Variants in BICDL1 observed in about 807,000 individuals in gnomAD.
The protein encoded by BICDL1 is BICD family-like cargo adapter 1.
In BICDL1, 20 loss-of-function variants were observed where a neutral mutation model predicts 76.8. That is an observed-to-expected ratio of 0.26 (90% confidence interval 0.18 to 0.38). The LOEUF is 0.38. BICDL1 is among the 10% of genes least tolerant of loss of function. BICDL1 has a pLI of 1.00. For synonymous variants in BICDL1, 383 were observed against 337.1 expected, an observed-to-expected ratio of 1.14 and a Z score of -1.49; for missense variants, 700 against 798.6, an observed-to-expected ratio of 0.88 and a Z score of 1.49.
At position 119,989,568 on chromosome 12, in the gene BICDL1, C is replaced by G. The variant is rs1398800057; in HGVS notation, c.-301C>G. 6.6e-6 allele frequency among the ~76,000 whole-genome samples: 1 copy of G among 150,474 alleles called. No homozygotes were observed. The highest frequency in any genetic ancestry group is 2.4e-5 in the African/African-American group (1 of 41,220). ...GCTTCGCCGACCCTCAGTCTCTGTT[C>G]CTGAGTCCTCCCTTCCCCAGCCTTC... On this transcript the variant is annotated 5_prime_UTR_variant, in exon 1 of 10. Transcript: ENST00000548673.
At chr12:120,026,046 C>T (rs919097930) in intron 2 of BICDL1, among the ~76,000 whole-genome samples, 1 of 152,096 alleles carries the variant, frequency 6.6e-6, no homozygotes, top group Non-Finnish European at 1.5e-5. Context: ...CCATGTTGGC[C>T]AGGCTGGTCT....
Position 120,093,422 on chromosome 12 carries a change from G to T in BICDL1, c.*261G>T. 1 of 498,242 alleles carries T rather than the reference G, an allele frequency of 2.0e-6. No individual in the cohort carries two copies. The highest frequency in any genetic ancestry group is 3.6e-6 in the Non-Finnish European group (1 of 275,408). The allele number at this position is 498,242 out of a possible 1,614,324, so 30.9% of individuals were successfully genotyped here. On this transcript the variant is annotated 3_prime_UTR_variant, in exon 10 of 10. Transcript: ENST00000548673. ...TGGGCTTCTCCAGGACCACGTGCTT[G>T]AGCAGGGTTAGGCCACCTCCCAGAG...
chr12:120,029,839 G>C (rs1179524785), intron 2 of BICDL1, among the ~76,000 whole-genome samples: 2 of 152,096 alleles, frequency 1.3e-5, no homozygotes, highest in Non-Finnish European at 2.9e-5. Context: ...GTACAATGGG[G>C]TTTCGCCACA....
At chr12:120,058,372 A>G (rs1594179690) in intron 2 of BICDL1, among the ~76,000 whole-genome samples, 1 of 152,306 alleles carries the variant, frequency 6.6e-6, no homozygotes, top group Middle Eastern at 3.4e-3. Context: ...CAGCTGGACT[A>G]GATTTGCAGC....
At chr12:120,019,897 G>A (rs180845989) in intron 2 of BICDL1, among the ~76,000 whole-genome samples, 4 of 152,362 alleles carry the variant, frequency 2.6e-5, no homozygotes, top group Middle Eastern at 3.4e-3. Context: ...CAAGTATGAT[G>A]TAAGCAAGGG....
chr12:120,001,006 A>C (rs1454544411), intron 2 of BICDL1, among the ~76,000 whole-genome samples: 1 of 152,178 alleles, frequency 6.6e-6, no homozygotes, highest in Non-Finnish European at 1.5e-5. Flanking sequence ...GAACGTAGGA[A>C]GATAACATTT....
intron 1 of BICDL1, among the ~76,000 whole-genome samples, chr12:119,998,253 C>T (rs867997381): frequency 2.0e-5 from 3 of 152,208 alleles, no homozygotes; most frequent in Non-Finnish European, 4.4e-5. Context: ...ACTCCCTAGT[C>T]TAGAACCTCA....
chr12:120,004,133 G>A (rs1022678730), intron 2 of BICDL1, among the ~76,000 whole-genome samples: 2 of 152,168 alleles, frequency 1.3e-5, no homozygotes, highest in Non-Finnish European at 2.9e-5. Context: ...TTCTTCAAGA[G>A]TAAAACTCGA....
At chr12:120,025,340 G>A (rs572457633) in intron 2 of BICDL1, among the ~76,000 whole-genome samples, 6 of 152,188 alleles carry the variant, frequency 3.9e-5, no homozygotes, top group Middle Eastern at 3.4e-3. Context: ...GTGAACCACC[G>A]CGCCCGGCCG....
rs1228728561 is a variant in BICDL1, at chr12:120,071,129, A to G, written c.910-493A>G. 6.6e-6 allele frequency among the ~76,000 whole-genome samples: 1 copy of G among 151,294 alleles called. No individual in the cohort carries two copies. The highest frequency in any genetic ancestry group is 1.5e-5 in the Non-Finnish European group (1 of 67,890). On this transcript the variant is annotated intron_variant, in intron 4 of 9. Transcript: ENST00000548673. The surrounding 1 kb of genome is among the most constrained non-coding windows in gnomAD (Gnocchi z 4.8). The stretch of plus-strand genomic sequence containing the variant: ...TTAAGGAAATGGAGTTGTTTGTCCT[A>G]TAGAATTTTCTTTTTTCTTTTTTTC...
At chr12:119,990,405 C>T in intron 1 of BICDL1, 108 bp downstream of exon 1, 1 of 1,496,648 alleles carries the variant, frequency 6.7e-7, no homozygotes, top group Non-Finnish European at 8.9e-7. Context: ...CTCACCCTAC[C>T]TCGCAGAAAA....
At chr12:120,062,116 T>C (rs1953118150) in intron 3 of BICDL1, among the ~76,000 whole-genome samples, 1 of 152,190 alleles carries the variant, frequency 6.6e-6, no homozygotes, top group Non-Finnish European at 1.5e-5. Context: ...GGAAAGGGCA[T>C]CTCGCCTTTC....
At chr12:120,023,002 G>A (rs1259864908) in intron 2 of BICDL1, among the ~76,000 whole-genome samples, 1 of 152,224 alleles carries the variant, frequency 6.6e-6, no homozygotes, top group Non-Finnish European at 1.5e-5. Flanking sequence ...CAGGACTGGG[G>A]ATTTGATGGA....
chr12:120,005,926 G>T (rs1951842495), intron 2 of BICDL1, among the ~76,000 whole-genome samples: 1 of 152,134 alleles, frequency 6.6e-6, no homozygotes, highest in Non-Finnish European at 1.5e-5. Flanking sequence ...TAGGTTAGAT[G>T]CCTACAAACA....
chr12:120,082,384 C>T (rs1184984664), intron 8 of BICDL1, among the ~76,000 whole-genome samples: 1 of 151,808 alleles, frequency 6.6e-6, no homozygotes, highest in East Asian at 1.9e-4. Context: ...TCCCGAGTAG[C>T]TGGGACCTCA....
intron 1 of BICDL1, 99 bp from the exon 2 acceptor site, chr12:119,998,422 T>A (rs1213519968): frequency 3.0e-6 from 3 of 1,000,664 alleles, no homozygotes; most frequent in Non-Finnish European, 4.3e-6. Context: ...TTATTGTGTC[T>A]ACTGACTAGG....
chr12:119,990,138 G>A lies in BICDL1; in HGVS notation c.270G>A (p.Gln90=). The change falls in exon 1 of 10, where the codon CAG becomes CAA. Residue 90 remains glutamine (Q), a synonymous_variant. Coordinates refer to ENST00000548673, the MANE Select transcript of BICDL1 (RefSeq NM_001367886.1). ...PGSLAEGAGP[Q]PPPSQDPELL... is the part of the protein sequence containing the mutation. ...CTCTGGCCGAGGGGGCCGGACCGCA[G>A]CCGCCGCCCTCCCAGGACCCCGAGC... is the stretch of plus-strand genomic sequence containing the variant. 6.5e-7 allele frequency: 1 copy of A among 1,550,352 alleles called. No homozygotes were observed. The highest frequency in any genetic ancestry group is 8.7e-7 in the Non-Finnish European group (1 of 1,147,162).
At chr12:119,998,282 A>T (rs895072265) in intron 1 of BICDL1, among the ~76,000 whole-genome samples, 2 of 152,310 alleles carry the variant, frequency 1.3e-5, no homozygotes, top group East Asian at 3.9e-4. Context: ...GATAAGAATA[A>T]ACATAATAAC....
intron 2 of BICDL1, among the ~76,000 whole-genome samples, chr12:120,002,757 T>TATAA (rs952337860): frequency 2.0e-5 from 3 of 152,186 alleles, no homozygotes; most frequent in Non-Finnish European, 4.4e-5. Flanking sequence ...GGAGAAGATG[T>TATAA]ATAAATAAAT....
Sources: allele counts gnomAD v4.1 joint callset (sites outside exome capture counted in the v4.1 genomes callset), GRCh38; gene constraint gnomAD v4.1.1; non-coding constraint Gnocchi (gnomAD v3.1); transcripts MANE v1.5; gene names NCBI Gene and HGNC (gene_info 2026-07-23, HGNC 2026-07-21).